KAZN: variants seen among roughly 807,000 people sequenced by gnomAD.
The protein encoded by KAZN is kazrin.
Under a neutral mutation model 87.4 loss-of-function variants are expected in KAZN, and 40 were observed. The ratio of observed to expected loss-of-function variants is 0.46; its 90% CI spans 0.36 to 0.60. The LOEUF (loss-of-function observed/expected upper bound fraction) is 0.60. KAZN is among the 20% of genes least tolerant of loss of function. The probability of loss-of-function intolerance (pLI) is 0.00; values close to 1 mark genes in which losing one functional copy is unlikely to be tolerated. For synonymous variants in KAZN, 466 were observed against 458.3 expected (o/e 1.02, Z -0.22); for missense variants, 898 against 1,073.9 (o/e 0.84, Z 2.29).
At chr1:14,326,462 C>T (rs780034712) in intron 2 of KAZN, among the ~76,000 whole-genome samples, 1 of 152,204 alleles carries the variant, frequency 6.6e-6, no homozygotes, top group East Asian at 1.9e-4. Flanking sequence ...CTGGGTTGCC[C>T]CCATCCTTGC....
intron 6 of KAZN, chr1:15,062,475 C>G (rs1638875515): frequency 6.6e-6 from 1 of 152,416 alleles, no homozygotes; most frequent in African/African-American, 2.4e-5. Flanking sequence ...AGGAAGAGCC[C>G]AAAAATAGCT....
At chr1:14,678,442 C>T (rs1282233066) in intron 1 of KAZN, among the ~76,000 whole-genome samples, 1 of 152,252 alleles carries the variant, frequency 6.6e-6, no homozygotes, top group Non-Finnish European at 1.5e-5. Flanking sequence ...GACTTCCCTA[C>T]TTTTGAGGTT....
intron 11 of KAZN, 105 bp downstream of exon 11, chr1:15,101,879 G>A (rs1641084140): frequency 2.8e-6 from 2 of 715,292 alleles, no homozygotes; most frequent in Middle Eastern, 3.6e-4. Flanking sequence ...CTATCCATCT[G>A]TCCACCCATC....
At chr1:13,984,252 T>C (rs1034054029) in intron 1 of KAZN, among the ~76,000 whole-genome samples, 4 of 152,102 alleles carry the variant, frequency 2.6e-5, no homozygotes, top group Non-Finnish European at 4.4e-5. Context: ...CCTCGTGATC[T>C]GCCCGCCTCG....
chr1:14,011,434 A>G (rs1220974989), intron 1 of KAZN, among the ~76,000 whole-genome samples: 3 of 152,198 alleles, frequency 2.0e-5, no homozygotes, highest in South Asian at 2.1e-4. Flanking sequence ...ACCTGACGAC[A>G]AAAACCACCA....
intron 2 of KAZN, among the ~76,000 whole-genome samples, chr1:14,995,831 CT>C (rs1667808135): frequency 6.6e-6 from 1 of 152,150 alleles, no homozygotes. Flanking sequence ...TTATTCTAGG[CT>C]CTAAAACTGG....
chr1:14,327,668 G>A (rs1298744007), intron 2 of KAZN, among the ~76,000 whole-genome samples: 1 of 151,808 alleles, frequency 6.6e-6, no homozygotes, highest in Non-Finnish European at 1.5e-5. Flanking sequence ...AACCTGGAAA[G>A]TTGTGGTAGA....
chr1:14,148,913 G>A (rs895295739), intron 1 of KAZN, among the ~76,000 whole-genome samples: 1 of 152,058 alleles, frequency 6.6e-6, no homozygotes, highest in South Asian at 2.1e-4. Flanking sequence ...CTTTTTGCTT[G>A]ATTGGATTTT....
chr1:14,792,795 G>A (rs1434305953), intron 1 of KAZN, among the ~76,000 whole-genome samples: 3 of 152,122 alleles, frequency 2.0e-5, no homozygotes, highest in Non-Finnish European at 4.4e-5. Flanking sequence ...GGCCGACATG[G>A]TGAAACCCTG....
chr1:14,775,922 C>T (rs1371078306), intron 1 of KAZN, among the ~76,000 whole-genome samples: 1 of 152,230 alleles, frequency 6.6e-6, no homozygotes, highest in Non-Finnish European at 1.5e-5. Context: ...ACACCCAGGT[C>T]TCTTCCACAT....
chr1:14,183,249 A>G (rs1646235780), intron 2 of KAZN, among the ~76,000 whole-genome samples: 1 of 152,212 alleles, frequency 6.6e-6, no homozygotes, highest in Non-Finnish European at 1.5e-5. Flanking sequence ...ATGTGCACAG[A>G]GCAAACACAT....
rs6658629 is a variant in KAZN, at chr1:15,021,215, T to C, written c.419-13534T>C. On this transcript the variant is annotated intron_variant, in intron 2 of 14. Coordinates refer to ENST00000376030, the MANE Select transcript of KAZN (RefSeq NM_201628.3). This position sits in a 1 kb window ranked among gnomAD's most constrained non-coding sequence, Gnocchi z 4.2. ...TGCTCCATGCTGCCTCTTCCTCCTT[T>C]CTCAAGACCGAGCCCAGGCCATTAT... Among the ~76,000 whole-genome samples, 20,984 of 152,078 alleles carry C rather than the reference T, an allele frequency of 0.14. 1,821 individuals are homozygous for C. The highest frequency in any genetic ancestry group is 0.45 in the East Asian group (2,298 of 5,150).
intron 8 of KAZN, among the ~76,000 whole-genome samples, chr1:15,068,863 C>T (rs879788014): frequency 3.3e-5 from 5 of 152,110 alleles, no homozygotes; most frequent in African/African-American, 1.2e-4. Context: ...CCTCCCACCT[C>T]TGCAGCATAA....
intron 1 of KAZN, among the ~76,000 whole-genome samples, chr1:14,840,120 C>T (rs1166666054): frequency 6.6e-6 from 1 of 152,068 alleles, no homozygotes; most frequent in Non-Finnish European, 1.5e-5. Context: ...TCATGGGCTG[C>T]TTCAGACCAC....
In KAZN at chr1:15,056,114, G is replaced by A; in HGVS notation, c.750G>A (p.Leu250=). ...AGGCCAAACAGTCCTTAGCTACGCT[G>A]ACCAAGGACGTCCCCAAGCGGCATT... ...LAMAKQSLAT[L]TKDVPKRHSL... Residue 250 remains leucine, a synonymous_variant, in exon 5 of 15, where the codon CTG becomes CTA. Transcript: ENST00000376030. This position sits in a 1 kb window ranked among gnomAD's most constrained non-coding sequence, Gnocchi z 5.4. 6.2e-7 allele frequency: 1 copy of A among 1,613,390 alleles called. No homozygotes were observed. The highest frequency in any genetic ancestry group is 8.5e-7 in the Non-Finnish European group (1 of 1,179,434).
intron 1 of KAZN, among the ~76,000 whole-genome samples, chr1:14,849,223 T>C (rs2100971209): frequency 6.6e-6 from 1 of 152,332 alleles, no homozygotes; most frequent in Non-Finnish European, 1.5e-5. Flanking sequence ...CATGAAGTGC[T>C]GACTGATTCC....
intron 1 of KAZN, among the ~76,000 whole-genome samples, chr1:14,668,460 C>T (rs754702179): frequency 7.9e-5 from 12 of 152,050 alleles, no homozygotes; most frequent in South Asian, 2.1e-4. Flanking sequence ...AAGGTCTCCT[C>T]ACCCAAGTGC....
At chr1:13,949,821 C>T (rs542277282) in intron 1 of KAZN, among the ~76,000 whole-genome samples, 59 of 152,316 alleles carry the variant, frequency 3.9e-4, no homozygotes, top group Non-Finnish European at 6.6e-4. Flanking sequence ...AACATCCATC[C>T]TCTAAGGTCA....
Position 15,099,499 on chromosome 1 carries a change from A to G in KAZN, c.1548-2044A>G, listed in dbSNP as rs527728246. Among the ~76,000 whole-genome samples, 353 of 151,788 alleles carry G rather than the reference A, an allele frequency of 2.3e-3. 4 individuals carry two copies. Among genetic ancestry groups the G allele is most frequent in the African/African-American group, 8.1e-3 (337 of 41,352 alleles). On this transcript the variant is annotated intron_variant, in intron 10 of 14. Coordinates refer to ENST00000376030, the MANE Select transcript of KAZN (RefSeq NM_201628.3). This position sits in a 1 kb window ranked among gnomAD's most constrained non-coding sequence, Gnocchi z 5.4. ...GAGATTTGACGCCCAAGGGATGAGG[A>G]GGGGTGAGCCCTGGGCAGGGTTGCA...
Sources: allele counts gnomAD v4.1 joint callset (sites outside exome capture counted in the v4.1 genomes callset), GRCh38; gene constraint gnomAD v4.1.1; non-coding constraint Gnocchi (gnomAD v3.1); transcripts MANE v1.5; gene names NCBI Gene and HGNC (gene_info 2026-07-23, HGNC 2026-07-21).